GPBP1L1: variants seen among roughly 807,000 people sequenced by gnomAD.
GPBP1L1 encodes GC-rich promoter binding protein 1 like 1, also known as vasculin-like protein 1.
Under a neutral mutation model 52.5 loss-of-function variants are expected in GPBP1L1, and 23 were observed. The ratio of observed to expected loss-of-function variants is 0.44; its 90% confidence interval spans 0.32 to 0.62. The LOEUF is 0.62. Ranked by LOEUF, GPBP1L1 falls within the 20% of genes least tolerant of loss-of-function variation. The probability of loss-of-function intolerance (pLI) is 0.06; values close to 1 mark genes in which losing one functional copy is unlikely to be tolerated. For missense variants in GPBP1L1, 596 were observed against 579.3 expected (o/e 1.03, Z -0.30); for synonymous variants, 243 against 203.1 (o/e 1.20, Z -1.67).
At chr1:45,677,934 G>A (rs1645166408) in intron 2 of GPBP1L1, among the ~76,000 whole-genome samples, 3 of 152,118 alleles carry the variant, frequency 2.0e-5, no homozygotes, top group Admixed American at 1.3e-4. Flanking sequence ...TTTGGAAACT[G>A]GCAAACAAGT....
intron 2 of GPBP1L1, among the ~76,000 whole-genome samples, chr1:45,680,474 T>A (rs1238177501): frequency 6.6e-6 from 1 of 151,948 alleles, no homozygotes; most frequent in Non-Finnish European, 1.5e-5. Flanking sequence ...CCTGGCCTCA[T>A]GTGATCCGCC....
chr1:45,681,388 T>C (rs548860746), intron 2 of GPBP1L1, among the ~76,000 whole-genome samples: 17 of 152,264 alleles, frequency 1.1e-4, no homozygotes, highest in African/African-American at 3.9e-4. Context: ...GCAGGACAAA[T>C]GACCTGGTTT....
At chr1:45,644,197 G>C (rs1315499455) in intron 6 of GPBP1L1, among the ~76,000 whole-genome samples, 1 of 152,122 alleles carries the variant, frequency 6.6e-6, no homozygotes, top group Non-Finnish European at 1.5e-5. Flanking sequence ...AGATTTTCAA[G>C]GACAGGTAAA....
intron 2 of GPBP1L1, among the ~76,000 whole-genome samples, chr1:45,661,798 TGA>T (rs915300323): frequency 7.2e-5 from 11 of 152,112 alleles, no homozygotes; most frequent in African/African-American, 2.4e-4. Context: ...CTCAACACTT[TGA>T]GAGGCCAAAT....
chr1:45,628,674 A>T (rs1337676619), intron 12 of GPBP1L1, among the ~76,000 whole-genome samples: 5 of 152,000 alleles, frequency 3.3e-5, no homozygotes, highest in Admixed American at 6.6e-5. Flanking sequence ...TTATTTATTT[A>T]TTTTTTTGAG....
chr1:45,641,176 C>T (rs778987024), intron 7 of GPBP1L1, among the ~76,000 whole-genome samples: 1 of 152,108 alleles, frequency 6.6e-6, no homozygotes, highest in Non-Finnish European at 1.5e-5. Context: ...GGAGAAGGTA[C>T]ATCGATCAAT....
chr1:45,644,395 T>G (rs555594611), intron 6 of GPBP1L1, among the ~76,000 whole-genome samples: 4 of 152,276 alleles, frequency 2.6e-5, no homozygotes, highest in Admixed American at 2.0e-4. Flanking sequence ...TTGTAAAATA[T>G]AAACAGGAAA....
chr1:45,651,678 G>A, intron 6 of GPBP1L1: 2 of 632,816 alleles, frequency 3.2e-6, no homozygotes, highest in Non-Finnish European at 2.9e-6. Flanking sequence ...AAGCAGGTGA[G>A]GTCTCTTTTG....
intron 2 of GPBP1L1, among the ~76,000 whole-genome samples, chr1:45,669,080 G>T (rs1367068113): frequency 1.3e-5 from 2 of 152,210 alleles, no homozygotes; most frequent in African/African-American, 4.8e-5. Context: ...CCATGAAATA[G>T]TTTCCATTCT....
chr1:45,665,767 A>G (rs1268310181), intron 2 of GPBP1L1, among the ~76,000 whole-genome samples: 1 of 143,246 alleles, frequency 7.0e-6, no homozygotes, highest in Non-Finnish European at 1.5e-5. Flanking sequence ...AAAAAAAAAA[A>G]GGAAAGTTTC....
chr1:45,681,413 A>C (rs1181288221), intron 2 of GPBP1L1, among the ~76,000 whole-genome samples: 1 of 152,238 alleles, frequency 6.6e-6, no homozygotes, highest in Admixed American at 6.5e-5. Context: ...AACAAAGTAC[A>C]AGGAAAAAAA....
At chr1:45,679,401 T>G (rs1645185233) in intron 2 of GPBP1L1, among the ~76,000 whole-genome samples, 1 of 152,210 alleles carries the variant, frequency 6.6e-6, no homozygotes, top group African/African-American at 2.4e-5. Flanking sequence ...CAAACGGTCC[T>G]TGCATCTTTG....
intron 2 of GPBP1L1, among the ~76,000 whole-genome samples, chr1:45,680,001 G>T (rs1383551474): frequency 4.6e-5 from 7 of 151,806 alleles, no homozygotes; most frequent in Non-Finnish European, 8.8e-5. Context: ...GATCACTTGA[G>T]CCTAGGAGGT....
chr1:45,660,122 A>G (rs1644931316), intron 3 of GPBP1L1, 62 bp downstream of exon 3: 18 of 916,224 alleles, frequency 2.0e-5, no homozygotes, highest in Non-Finnish European at 2.2e-5. Context: ...AGCAGTCGGT[A>G]TTTTTCATGA....
intron 10 of GPBP1L1, 108 bp from the exon 11 acceptor site, chr1:45,630,714 C>T (rs941391770): frequency 1.1e-5 from 13 of 1,236,816 alleles, no homozygotes; most frequent in Admixed American, 2.5e-5. Flanking sequence ...TTCCAAAAGA[C>T]AGCCTCAGCC....
At chr1:45,686,139 C>T (rs967716196) in intron 1 of GPBP1L1, among the ~76,000 whole-genome samples, 1 of 152,204 alleles carries the variant, frequency 6.6e-6, no homozygotes, top group African/African-American at 2.4e-5. Flanking sequence ...GCGTTCCGAC[C>T]CGACGACCGA....
intron 3 of GPBP1L1, 128 bp downstream of exon 3, chr1:45,660,056 C>T (rs1644930596): frequency 9.1e-6 from 3 of 328,160 alleles, no homozygotes; most frequent in South Asian, 2.4e-4. Context: ...TTCCTGAGAT[C>T]TGTTGGTGTC....
At chr1:45,676,605 G>A (rs1183980068) in intron 2 of GPBP1L1, among the ~76,000 whole-genome samples, 1 of 151,644 alleles carries the variant, frequency 6.6e-6, no homozygotes, top group East Asian at 1.9e-4. Context: ...AGCTGCTCGG[G>A]AGGCTGAGGC....
chr1:45,655,057 G>T, intron 5 of GPBP1L1, 133 bp downstream of exon 5: 1 of 1,159,310 alleles, frequency 8.6e-7, no homozygotes, highest in Non-Finnish European at 1.2e-6. Flanking sequence ...GTTGCGTAAT[G>T]ACTACTAGAG....
Sources: gnomAD v4.1 joint callset for allele counts (sites outside exome capture counted in the v4.1 genomes callset) on GRCh38, gnomAD v4.1.1 for gene constraint, MANE v1.5 for transcripts, NCBI Gene and HGNC (gene_info 2026-07-23, HGNC 2026-07-21) for gene names.